The following CCDC68 variants were observed in gnomAD, a reference collection of about 807,000 sequenced individuals.
CCDC68 encodes the protein coiled-coil domain-containing protein 68.
In CCDC68, 45 loss-of-function variants were observed where a neutral mutation model predicts 47.1. The ratio of observed to expected loss-of-function variants is 0.96; its 90% confidence interval spans 0.75 to 1.23. CCDC68 has a LOEUF of 1.23. Among genes scored for constraint, CCDC68 ranks in the 50% most tolerant of loss-of-function variants. The pLI, the probability that CCDC68 is intolerant of heterozygous loss-of-function variation, is 0.00. For missense variants in CCDC68, 353 were observed against 373.6 expected (o/e 0.94, Z 0.45); for synonymous variants, 131 against 129.5 (o/e 1.01, Z -0.08).
chr18:54,946,564 C>G (rs2044531523), intron 1 of CCDC68, among the ~76,000 whole-genome samples: 1 of 152,248 alleles, frequency 6.6e-6, no homozygotes, highest in South Asian at 2.1e-4. Flanking sequence ...ATGAATCGCT[C>G]TTTAGAATGA....
chr18:54,938,250 T>C (rs970081599), intron 4 of CCDC68, among the ~76,000 whole-genome samples, 153 bp from the exon 5 acceptor site: 3 of 152,256 alleles, frequency 2.0e-5, no homozygotes, highest in African/African-American at 7.2e-5. Flanking sequence ...TGGGAAATTC[T>C]AGATGAAGCA....
At chr18:54,946,428 G>T (rs2044528982) in intron 1 of CCDC68, among the ~76,000 whole-genome samples, 1 of 152,112 alleles carries the variant, frequency 6.6e-6, no homozygotes, top group Admixed American at 6.5e-5. Context: ...GCCTGAGTTT[G>T]TTTTTTTCCT....
At chr18:54,909,896 G>T (rs1006087702) in intron 10 of CCDC68, among the ~76,000 whole-genome samples, 3 of 152,238 alleles carry the variant, frequency 2.0e-5, no homozygotes, top group Non-Finnish European at 2.9e-5. Context: ...AAGGGCCACA[G>T]CTCTTCTTTC....
Position 54,918,019 on chromosome 18 carries a change from G to C in CCDC68, c.790-23C>G, listed in dbSNP as rs761044832. ...CATCTAAGAATTAGAAAACACAATA[G>C]GAAAAACCTTGTCAGACCACAGGAA... On this transcript the variant is annotated intron_variant, in intron 9 of 11. Transcript: ENST00000591504. 3.7e-6 allele frequency: 4 copies of C among 1,080,802 alleles called. No individual in the cohort carries two copies. The Admixed American group carries it at 8.5e-5, about 23-fold the overall frequency. The allele number at this position is 1,080,802 out of a possible 1,614,324, so 67.0% of individuals were successfully genotyped here. A position where few individuals can be genotyped will look rare whatever the true frequency, so the allele number is the denominator to read the frequency against.
chr18:54,902,797 A>G lies in CCDC68; in HGVS notation c.*1561T>C, dbSNP rs1913757611. 1 of 152,226 alleles carries G rather than the reference A, an allele frequency of 6.6e-6. No homozygotes were observed. The highest frequency in any genetic ancestry group is 1.5e-5 in the Non-Finnish European group (1 of 68,032). 9.4% of individuals were successfully genotyped at this position (152,226 alleles called of 1,614,324 possible). A position where few individuals can be genotyped will look rare whatever the true frequency, so the allele number is the denominator to read the frequency against. On this transcript the variant is annotated 3_prime_UTR_variant, in exon 12 of 12. Transcript: ENST00000591504. ...GTGAGCAAGTAGAATGAATATCAAT[A>G]GCCAAGTCAAAAGGTTCAAATTTTT...
At chr18:54,905,264 CAAAG>C in intron 11 of CCDC68, among the ~76,000 whole-genome samples, 1 of 134,378 alleles carries the variant, frequency 7.4e-6, no homozygotes, top group African/African-American at 2.8e-5. Context: ...AACAGAAAAA[CAAAG>C]AGAATGAAAG....
intron 7 of CCDC68, 98 bp downstream of exon 7, chr18:54,934,722 T>G: frequency 1.2e-6 from 1 of 865,494 alleles, no homozygotes; most frequent in Non-Finnish European, 1.6e-6. Flanking sequence ...TAATATTATC[T>G]TATTTAATTT....
intron 9 of CCDC68, among the ~76,000 whole-genome samples, chr18:54,918,625 G>A (rs182166151): frequency 2.7e-3 from 417 of 152,316 alleles, no homozygotes; most frequent in African/African-American, 9.8e-3. Context: ...TTTTAGTGAT[G>A]TCATAGCCAA....
intron 7 of CCDC68, 56 bp from the exon 8 acceptor site, chr18:54,928,938 C>G (rs989341815): frequency 2.2e-6 from 2 of 927,308 alleles, no homozygotes; most frequent in Non-Finnish European, 1.8e-6. Context: ...TTTGGTAAGG[C>G]CTTCCTCTTG....
At position 54,934,944 on chromosome 18, in the gene CCDC68, T is replaced by A; in HGVS notation, c.476A>T (p.Asn159Ile). 1.3e-6 allele frequency: 2 copies of A among 1,589,346 alleles called. No individual in the cohort carries two copies. Among genetic ancestry groups the A allele is most frequent in the Non-Finnish European group, 8.5e-7 (1 of 1,170,320 alleles). Reference sequence around the variant, plus strand: ...CAATTTCTGTTCTTTTTCAAGCTTGTTAACCTATGGTCAGAGAATCAGTTG... The same window carrying A: ...CAATTTCTGTTCTTTTTCAAGCTTGATAACCTATGGTCAGAGAATCAGTTG... ...QEDSKQLLQV[N>I]KLEKEQKLKQ... is the part of the protein sequence containing the mutation. The change falls in exon 7 of 12, where the codon AAC (asparagine) becomes ATC (isoleucine). Residue 159 changes from asparagine to isoleucine, a missense_variant. Asn to Ile is a moderately radical substitution (Grantham distance 149, BLOSUM62 -3). Transcript: ENST00000591504.
chr18:54,934,466 T>C (rs1245652001), intron 7 of CCDC68, among the ~76,000 whole-genome samples: 1 of 152,200 alleles, frequency 6.6e-6, no homozygotes, highest in Admixed American at 6.5e-5. Context: ...TACAGGGAAC[T>C]GCTACATTAT....
chr18:54,935,024 A>G, intron 6 of CCDC68, 76 bp from the exon 7 acceptor site: 1 of 1,218,800 alleles, frequency 8.2e-7, no homozygotes, highest in Non-Finnish European at 1.1e-6. Context: ...TCTTTCTATA[A>G]TTTTCTAATT....
At chr18:54,918,637 C>A (rs1057006368) in intron 9 of CCDC68, among the ~76,000 whole-genome samples, 2 of 152,194 alleles carry the variant, frequency 1.3e-5, no homozygotes, top group Non-Finnish European at 2.9e-5. Context: ...CATAGCCAAG[C>A]AAGCACAAAT....
Position 54,928,837 on chromosome 18 carries a change from G to T in CCDC68, c.646C>A (p.Leu216Ile), listed in dbSNP as rs371009556. Residue 216 changes from leucine (L) to isoleucine (I), a missense_variant, in exon 8 of 12, where the codon CTA becomes ATA. By Grantham distance (5) the Leu-to-Ile change is conservative (BLOSUM62 2). Coordinates refer to ENST00000591504, the MANE Select transcript of CCDC68 (RefSeq NM_025214.3). Reference sequence around the variant, plus strand: ...GTAGCACTGGATTTGAGTTGCAGTAGCTTGTTTTCCAAAGACAGTTTTCTT... The same window carrying T: ...GTAGCACTGGATTTGAGTTGCAGTATCTTGTTTTCCAAAGACAGTTTTCTT... ...LERKLSLENK[L>I]LQLKSSATYG... is the part of the protein sequence containing the mutation. 15 of 1,612,556 alleles carry T rather than the reference G, an allele frequency of 9.3e-6. No individual in the cohort carries two copies. Among genetic ancestry groups the T allele is most frequent in the African/African-American group, 1.3e-5 (1 of 74,898 alleles).
At chr18:54,951,421 C>T (rs1186489978) in intron 1 of CCDC68, among the ~76,000 whole-genome samples, 1 of 152,176 alleles carries the variant, frequency 6.6e-6, no homozygotes, top group Non-Finnish European at 1.5e-5. Flanking sequence ...GGTATGCTCT[C>T]TATAATACTT....
intron 4 of CCDC68, among the ~76,000 whole-genome samples, chr18:54,940,263 C>T (rs1320431035): frequency 6.6e-6 from 1 of 152,198 alleles, no homozygotes; most frequent in African/African-American, 2.4e-5. Flanking sequence ...CTATTAGAAG[C>T]CTCTACTTGG....
Position 54,917,937 on chromosome 18 carries a change from T to C in CCDC68, c.849A>G (p.Glu283=). 6.3e-7 allele frequency: 1 copy of C among 1,578,908 alleles called. No individual in the cohort carries two copies. The part of the protein sequence containing the change: ...EQDKRIENLR[E]KVNILEAQNK... ...CCTGGGCTTCAAGTATGTTAACCTTTTCTCTGAGATTTTCAATTCTTTTGT... is the reference window on the plus strand; with the variant it reads ...CCTGGGCTTCAAGTATGTTAACCTTCTCTCTGAGATTTTCAATTCTTTTGT... Residue 283 remains glutamate, a synonymous_variant, in exon 10 of 12, where the codon GAA becomes GAG. Transcript: ENST00000591504.
chr18:54,936,289 T>C (rs2044347748), intron 6 of CCDC68, among the ~76,000 whole-genome samples: 1 of 146,162 alleles, frequency 6.8e-6, no homozygotes, highest in Non-Finnish European at 1.5e-5. Flanking sequence ...TTTTAAATAA[T>C]ATATAAAAAT....
chr18:54,930,677 TCCCTCCCTCCCTCCCTCC>T (rs2044237214), intron 7 of CCDC68, among the ~76,000 whole-genome samples: 1 of 55,258 alleles, frequency 1.8e-5, no homozygotes. Context: ...CTTCCTTCCC[TCCCTCCCTCCCTCCCTCC>T]CTCTCTCTCT....
Sources: allele counts gnomAD v4.1 joint callset (sites outside exome capture counted in the v4.1 genomes callset), GRCh38; gene constraint gnomAD v4.1.1; transcripts MANE v1.5; gene names NCBI Gene and HGNC (gene_info 2026-07-23, HGNC 2026-07-21).